The following ABHD2 variants were observed in gnomAD, a reference collection of about 807,000 sequenced individuals.
ABHD2 encodes monoacylglycerol lipase ABHD2.
ABHD2 carries 20 observed loss-of-function variants against 48.1 expected under a neutral mutation model. The observed-to-expected ratio is 0.42, with a 90% CI of 0.29 to 0.60. The LOEUF (loss-of-function observed/expected upper bound fraction) is 0.60. Among genes scored for constraint, ABHD2 ranks in the 20% least tolerant of loss-of-function variants. The pLI, the probability that ABHD2 is intolerant of heterozygous loss-of-function variation, is 0.24. For missense variants in ABHD2, 405 were observed against 550.9 expected (o/e 0.74, Z 2.65); for synonymous variants, 209 against 214.2 (o/e 0.98, Z 0.21).
In ABHD2 at chr15:89,199,658, C is replaced by T. The variant is rs2051446745; in HGVS notation, c.*4235C>T. Reference sequence around the variant, plus strand: ...CACCTCAGCTCTGGTCCCTTTTTGCCCTTCTTGGCCTTACTCTGTTGTTCA... The same window carrying T: ...CACCTCAGCTCTGGTCCCTTTTTGCTCTTCTTGGCCTTACTCTGTTGTTCA... On this transcript the variant is annotated 3_prime_UTR_variant, in exon 11 of 11. Coordinates refer to ENST00000352732, the MANE Select transcript of ABHD2 (RefSeq NM_152924.5). The surrounding 1 kb of genome is among the most constrained non-coding windows in gnomAD (Gnocchi z 4.1). The T allele has an allele frequency of 6.6e-6, 1 of 152,212 alleles. No individual in the cohort carries two copies. 9.4% of individuals were successfully genotyped at this position (152,212 alleles called of 1,614,324 possible).
chr15:89,101,756 C>G (rs548630697), intron 1 of ABHD2, among the ~76,000 whole-genome samples: 2 of 152,242 alleles, frequency 1.3e-5, no homozygotes, highest in East Asian at 3.9e-4. Context: ...TTTTTAGGGC[C>G]TGGAGGGGAT....
At chr15:89,125,645 A>G (rs2050119713) in intron 3 of ABHD2, among the ~76,000 whole-genome samples, 1 of 152,214 alleles carries the variant, frequency 6.6e-6, no homozygotes, top group South Asian at 2.1e-4. Context: ...GACTGTCAGT[A>G]CTAATACCGG....
rs1253933245 is a variant in ABHD2 at position 89,195,330 on chromosome 15, G to A, written c.1185G>A (p.Lys395=). The change falls in exon 11 of 11, where the codon AAG becomes AAA. Residue 395 remains lysine (K), a synonymous_variant. Coordinates refer to ENST00000352732, the MANE Select transcript of ABHD2 (RefSeq NM_152924.5). The surrounding 1 kb of genome is among the most constrained non-coding windows in gnomAD (Gnocchi z 5.1). ...LFPEPLTWMD[K]LVVEYANAIC... ...CCGAGCCCCTGACATGGATGGATAA[G>A]CTGGTGGTGGAGTACGCCAACGCCA... is the stretch of plus-strand genomic sequence containing the variant. The A allele has an allele frequency of 6.2e-7, 1 of 1,614,258 alleles. No homozygotes were observed. The highest frequency in any genetic ancestry group is 8.5e-7 in the Non-Finnish European group (1 of 1,180,046).
intron 3 of ABHD2, among the ~76,000 whole-genome samples, chr15:89,123,163 T>G (rs2050078487): frequency 6.6e-6 from 1 of 152,220 alleles, no homozygotes; most frequent in African/African-American, 2.4e-5. Context: ...AAATTACAGT[T>G]GGCTCTCCTA....
chr15:89,193,126 C>T (rs186200540), intron 9 of ABHD2, 109 bp from the exon 10 acceptor site: 70 of 1,022,382 alleles, frequency 6.8e-5, no homozygotes, highest in Non-Finnish European at 9.9e-5. Context: ...AGCTGTGACC[C>T]TCTTCCCTTT....
At position 89,185,151 on chromosome 15, in the gene ABHD2, G is replaced by T. The variant is rs1468162390; in HGVS notation, c.723-273G>T. On this transcript the variant is annotated intron_variant, in intron 6 of 10. Transcript: ENST00000352732. The surrounding 1 kb of genome is among the most constrained non-coding windows in gnomAD (Gnocchi z 5.9). ...TGACTAAGAGAAGGTCCAGGTGCTA[G>T]AAGAGAGTGTCGGGGGTGCCACCAA... is the stretch of plus-strand genomic sequence containing the variant. Among the ~76,000 whole-genome samples, 1 of 152,214 alleles carries T rather than the reference G, an allele frequency of 6.6e-6. No homozygotes were observed. The highest frequency in any genetic ancestry group is 1.9e-4 in the East Asian group (1 of 5,194).
chr15:89,115,370 ATGTGTGTGTGTG>A (rs1164718189), intron 2 of ABHD2, among the ~76,000 whole-genome samples: 24,176 of 98,504 alleles, frequency 0.25, 2,492 homozygotes, highest in Non-Finnish European at 0.29. Context: ...GTTTGGAGGT[ATGTGTGTGTGTG>A]TGTGTGTGTG....
At chr15:89,056,642 C>CA in the ABHD2 span, among the ~76,000 whole-genome samples, 1 of 151,560 alleles carries the variant, frequency 6.6e-6, no homozygotes, top group Non-Finnish European at 1.5e-5. Context: ...GACTCCATCT[C>CA]AAAAAAATAA....
chr15:89,161,091 A>G (rs2050755397), intron 5 of ABHD2, among the ~76,000 whole-genome samples: 1 of 152,112 alleles, frequency 6.6e-6, no homozygotes, highest in Non-Finnish European at 1.5e-5. Flanking sequence ...CAACACTAGA[A>G]TTTCCCATGG....
chr15:89,061,041 C>T, the ABHD2 span, among the ~76,000 whole-genome samples: 3 of 151,982 alleles, frequency 2.0e-5, no homozygotes, highest in African/African-American at 7.2e-5. Flanking sequence ...ACAATGGGTA[C>T]TCATGGACAT....
chr15:89,082,163 A>G, the ABHD2 span, among the ~76,000 whole-genome samples: 1 of 152,188 alleles, frequency 6.6e-6, no homozygotes, highest in Non-Finnish European at 1.5e-5. The surrounding 1 kb of genome is among the most constrained non-coding windows in gnomAD (Gnocchi z 4.4). Flanking sequence ...GTTGAGAACC[A>G]CTGGTTTAGG....
At chr15:89,051,442 C>T in the ABHD2 span, among the ~76,000 whole-genome samples, 11 of 152,116 alleles carry the variant, frequency 7.2e-5, no homozygotes, top group South Asian at 2.1e-4. Flanking sequence ...AGATGAACAC[C>T]GTAGCTCAGG....
At position 89,111,517 on chromosome 15, in the gene ABHD2, T is replaced by G. The variant is rs547338003; in HGVS notation, c.-106-2208T>G. The stretch of plus-strand genomic sequence containing the variant: ...TGCCCTGCTGTCATCTTAATGGGGC[T>G]CCTAGAGAGACTTCAAGGTCACTTC... On this transcript the variant is annotated intron_variant, in intron 1 of 10. Transcript: ENST00000352732. Among the ~76,000 whole-genome samples the G allele has an allele frequency of 2.7e-4, 41 of 152,308 alleles. 1 individual carries two copies. In the South Asian group the frequency reaches 8.5e-3, roughly 32 times the overall value.
At chr15:89,133,610 T>A (rs1191762397) in intron 3 of ABHD2, among the ~76,000 whole-genome samples, 3 of 152,232 alleles carry the variant, frequency 2.0e-5, no homozygotes, top group African/African-American at 7.2e-5. Flanking sequence ...AAAGAGACTG[T>A]GTATCTTTTC....
intron 3 of ABHD2, among the ~76,000 whole-genome samples, chr15:89,141,923 G>T (rs1395826135): frequency 6.6e-6 from 1 of 152,236 alleles, no homozygotes; most frequent in Non-Finnish European, 1.5e-5. Context: ...TATTTTTAAA[G>T]GTAGAGGTTG....
chr15:89,152,755 G>A (rs2050613889), intron 4 of ABHD2, among the ~76,000 whole-genome samples: 1 of 152,138 alleles, frequency 6.6e-6, no homozygotes, highest in Admixed American at 6.5e-5. Flanking sequence ...AGAGATAACT[G>A]AAATTTTCAT....
chr15:89,053,735 G>T, the ABHD2 span, among the ~76,000 whole-genome samples: 256 of 152,316 alleles, frequency 1.7e-3, 11 homozygotes, highest in South Asian at 0.051. Flanking sequence ...AGAAGCCAAG[G>T]CAAAAATGGG....
the ABHD2 span, among the ~76,000 whole-genome samples, chr15:89,082,214 A>G: frequency 3.9e-5 from 6 of 152,212 alleles, no homozygotes; most frequent in Admixed American, 2.0e-4. The surrounding 1 kb of genome is among the most constrained non-coding windows in gnomAD (Gnocchi z 4.4). Context: ...AGTTGAGTCA[A>G]TTTAATAACA....
intron 1 of ABHD2, among the ~76,000 whole-genome samples, chr15:89,098,391 C>T (rs572235342): frequency 1.3e-5 from 2 of 152,190 alleles, no homozygotes; most frequent in African/African-American, 4.8e-5. Flanking sequence ...TTATTGAGCT[C>T]TTTCCCTGCT....
Sources: gnomAD v4.1 joint callset for allele counts (sites outside exome capture counted in the v4.1 genomes callset) on GRCh38, gnomAD v4.1.1 for gene constraint, Gnocchi (gnomAD v3.1) non-coding constraint, MANE v1.5 for transcripts, NCBI Gene and HGNC (gene_info 2026-07-23, HGNC 2026-07-21) for gene names.